The following NELL2 variants were observed in gnomAD, a reference collection of about 807,000 sequenced individuals.
The protein encoded by NELL2 is protein kinase C-binding protein NELL2.
In NELL2, 41 loss-of-function variants were observed where a neutral mutation model predicts 109.6. That is an observed-to-expected ratio of 0.37 (90% CI 0.29 to 0.49). The LOEUF (loss-of-function observed/expected upper bound fraction) is 0.49, where lower values mean the gene tolerates loss of function less well. NELL2 is among the 20% of genes least tolerant of loss of function. NELL2 has a pLI of 0.98. For missense variants in NELL2, 900 were observed against 1,008.3 expected, an observed-to-expected ratio of 0.89 and a Z score of 1.45; for synonymous variants, 355 against 344.7, an observed-to-expected ratio of 1.03 and a Z score of -0.33.
At position 44,853,654 on chromosome 12, in the gene NELL2, C is replaced by A. The variant is rs1944595013; in HGVS notation, c.184+21571G>T. On this transcript the variant is annotated intron_variant, in intron 2 of 19. Transcript: ENST00000429094. Reference sequence around the variant, plus strand: ...AACATCAGGGAATAGAAAGTATTAACAAAAGCAGTAACACTAATACTTACA... The same window carrying A: ...AACATCAGGGAATAGAAAGTATTAAAAAAAGCAGTAACACTAATACTTACA... 2.0e-5 allele frequency among the ~76,000 whole-genome samples: 3 copies of A among 152,186 alleles called. No individual in the cohort carries two copies. In the South Asian group the frequency reaches 6.2e-4, roughly 32 times the overall value.
intron 12 of NELL2, among the ~76,000 whole-genome samples, chr12:44,682,780 C>A (rs1234810647): frequency 6.6e-6 from 1 of 152,142 alleles, no homozygotes; most frequent in Admixed American, 6.5e-5. Flanking sequence ...TGATCTATAT[C>A]TCTGTTTTGG....
Position 44,640,281 on chromosome 12 carries a change from T to C in NELL2, c.1444+25203A>G, listed in dbSNP as rs532865286. Among the ~76,000 whole-genome samples the C allele has an allele frequency of 2.0e-5, 3 of 152,296 alleles. No individual in the cohort carries two copies. The South Asian group carries it at 6.2e-4, about 32-fold the overall frequency. On this transcript the variant is annotated intron_variant, in intron 13 of 19. Coordinates refer to ENST00000429094, the MANE Select transcript of NELL2 (RefSeq NM_001145108.2). ...CACTTTTCACTGAGTCTCTTAGTCT[T>C]CACAACAACCCCACAAGGTAGATGC...
chr12:44,552,947 A>G (rs547009055), intron 15 of NELL2, among the ~76,000 whole-genome samples: 2 of 152,038 alleles, frequency 1.3e-5, no homozygotes, highest in South Asian at 2.1e-4. Context: ...CTCTATTTCA[A>G]TTGGACTCTG....
intron 11 of NELL2, among the ~76,000 whole-genome samples, chr12:44,704,214 T>C (rs1046234997): frequency 3.9e-5 from 6 of 152,076 alleles, no homozygotes; most frequent in Admixed American, 3.3e-4. Context: ...GAGAAGGTAA[T>C]CTGGTAACTG....
chr12:44,560,028 C>T (rs998100718), intron 15 of NELL2, among the ~76,000 whole-genome samples: 123 of 152,298 alleles, frequency 8.1e-4, no homozygotes, highest in African/African-American at 2.9e-3. Flanking sequence ...AAAACTCACT[C>T]GAAACCACAC....
At chr12:44,704,972 T>C (rs1411885212) in intron 11 of NELL2, among the ~76,000 whole-genome samples, 2 of 142,138 alleles carry the variant, frequency 1.4e-5, no homozygotes, top group Non-Finnish European at 3.0e-5. Context: ...TGAGCCAAGA[T>C]CGCGCCGCTG....
chr12:44,585,100 T>C (rs1052471132), intron 15 of NELL2, among the ~76,000 whole-genome samples: 6 of 152,222 alleles, frequency 3.9e-5, no homozygotes, highest in African/African-American at 1.2e-4. Context: ...ATCATTCTCA[T>C]AGACAGTTTG....
At chr12:44,734,535 A>C (rs1475169543) in intron 9 of NELL2, among the ~76,000 whole-genome samples, 4 of 151,720 alleles carry the variant, frequency 2.6e-5, no homozygotes, top group African/African-American at 9.7e-5. Context: ...TATGCTGTTG[A>C]TTTTTGTCCC....
At chr12:44,887,070 A>G (rs1945481983) in intron 1 of NELL2, among the ~76,000 whole-genome samples, 1 of 152,116 alleles carries the variant, frequency 6.6e-6, no homozygotes, top group Non-Finnish European at 1.5e-5. Context: ...AATAGTGCTG[A>G]ATGAGCATGG....
At chr12:44,636,749 T>C (rs926557354) in intron 13 of NELL2, among the ~76,000 whole-genome samples, 3 of 152,170 alleles carry the variant, frequency 2.0e-5, no homozygotes, top group African/African-American at 7.2e-5. Context: ...ATTTTCTTTT[T>C]TTGTTGTGTC....
intron 13 of NELL2, among the ~76,000 whole-genome samples, chr12:44,615,699 T>C (rs1945795533): frequency 6.6e-6 from 1 of 152,164 alleles, no homozygotes. Flanking sequence ...TTTTGTTGTA[T>C]GTGAAGTCTT....
chr12:44,830,212 C>G (rs1943844087), intron 2 of NELL2, among the ~76,000 whole-genome samples: 1 of 152,132 alleles, frequency 6.6e-6, no homozygotes, highest in South Asian at 2.1e-4. Flanking sequence ...ACCTCAGACT[C>G]CACAAGCAGA....
At chr12:44,815,014 G>A (rs1647100639) in intron 3 of NELL2, among the ~76,000 whole-genome samples, 1 of 152,132 alleles carries the variant, frequency 6.6e-6, no homozygotes, top group South Asian at 2.1e-4. Context: ...TTACAGATGA[G>A]GAAATTGAGA....
At chr12:44,586,209 A>G (rs542161940) in intron 15 of NELL2, among the ~76,000 whole-genome samples, 1 of 148,516 alleles carries the variant, frequency 6.7e-6, no homozygotes, top group South Asian at 2.1e-4. Context: ...ATATTTATAT[A>G]TATAATCATA....
chr12:44,636,584 T>C (rs556711080), intron 13 of NELL2, among the ~76,000 whole-genome samples: 3 of 152,318 alleles, frequency 2.0e-5, no homozygotes, highest in South Asian at 2.1e-4. Flanking sequence ...ATGGATGACA[T>C]TTATTGATTT....
intron 13 of NELL2, among the ~76,000 whole-genome samples, chr12:44,637,081 G>A (rs1463650917): frequency 2.6e-5 from 4 of 151,996 alleles, no homozygotes; most frequent in Admixed American, 2.6e-4. Flanking sequence ...TTGTATTTCT[G>A]TGGGATCAGT....
At chr12:44,791,082 C>CGT (rs1555217679) in intron 3 of NELL2, among the ~76,000 whole-genome samples, 2 of 52,012 alleles carry the variant, frequency 3.8e-5, no homozygotes, top group African/African-American at 2.4e-4. Context: ...TATATATATA[C>CGT]ATATATATAT....
intron 1 of NELL2, among the ~76,000 whole-genome samples, chr12:44,912,947 T>A (rs535523073): frequency 6.6e-6 from 1 of 152,288 alleles, no homozygotes; most frequent in East Asian, 1.9e-4. Flanking sequence ...TGTGCCACTA[T>A]TAAGTGGGAA....
intron 15 of NELL2, among the ~76,000 whole-genome samples, chr12:44,565,198 TCTC>T (rs1943607711): frequency 6.6e-6 from 1 of 152,144 alleles, no homozygotes; most frequent in South Asian, 2.1e-4. Context: ...TGAAGCATAT[TCTC>T]CTCCTTTTAG....
Sources: gnomAD v4.1 joint callset for allele counts (sites outside exome capture counted in the v4.1 genomes callset) on GRCh38, gnomAD v4.1.1 for gene constraint, MANE v1.5 for transcripts, NCBI Gene and HGNC (gene_info 2026-07-23, HGNC 2026-07-21) for gene names.